The following SLC25A37 variants were observed in gnomAD, a reference collection of about 807,000 sequenced individuals.
SLC25A37 encodes the protein mitoferrin-1.
In SLC25A37, 17 loss-of-function variants were observed where a neutral mutation model predicts 31.0. The observed-to-expected ratio is 0.55, with a 90% CI of 0.38 to 0.82. SLC25A37 has a LOEUF of 0.82. Ranked by LOEUF, SLC25A37 falls within the 40% of genes least tolerant of loss-of-function variation. SLC25A37 has a pLI of 0.00. For missense variants in SLC25A37, 404 were observed against 465.8 expected (o/e 0.87, Z 1.22); for synonymous variants, 222 against 193.0 (o/e 1.15, Z -1.24).
At position 23,571,418 on chromosome 8, in the gene SLC25A37, T is replaced by G. The variant is rs1233467463; in HGVS notation, c.580T>G (p.Leu194Val). The G allele has an allele frequency of 1.9e-6, 3 of 1,613,382 alleles. No individual in the cohort carries two copies. The highest frequency in any genetic ancestry group is 2.5e-6 in the Non-Finnish European group (3 of 1,179,718). ...CCGGACGGTGTGGAGGACCGAGGGG[T>G]TGGGGGCCTTCTACCGGAGCTACAC... is the stretch of plus-strand genomic sequence containing the variant. ...CIRTVWRTEG[L>V]GAFYRSYTTQ... Residue 194 changes from leucine to valine, a missense_variant, in exon 4 of 4, where the codon TTG (leucine) becomes GTG (valine). By Grantham distance (32) the Leu-to-Val change is conservative. This residue lies in a region of SLC25A37 where 243 missense variants were observed against 284.4 expected (regional missense o/e 0.85). Transcript: ENST00000519973.
At chr8:23,558,155 T>C (rs999127576) in intron 1 of SLC25A37, among the ~76,000 whole-genome samples, 11 of 152,130 alleles carry the variant, frequency 7.2e-5, no homozygotes, top group Admixed American at 1.3e-4. Context: ...ACATGGAAAG[T>C]TTTTTATTTT....
intron 3 of SLC25A37, among the ~76,000 whole-genome samples, chr8:23,569,816 A>AGGCCTTCAGCTGGGTC (rs2117463799): frequency 1.3e-5 from 2 of 152,338 alleles, no homozygotes; most frequent in East Asian, 3.9e-4. Context: ...GGCACTGGGC[A>AGGCCTTCAGCTGGGTC]GGCCTTCAGC....
At chr8:23,540,527 G>A (rs919527378) in intron 1 of SLC25A37, among the ~76,000 whole-genome samples, 17 of 152,316 alleles carry the variant, frequency 1.1e-4, no homozygotes, top group Non-Finnish European at 2.5e-4. Context: ...CAGCAAGCAA[G>A]GAAGAAGGAT....
chr8:23,541,206 C>A (rs1439335878), intron 1 of SLC25A37, among the ~76,000 whole-genome samples: 2 of 152,048 alleles, frequency 1.3e-5, no homozygotes, highest in African/African-American at 4.8e-5. Flanking sequence ...CAGAAACCAG[C>A]AGGGTAGGAC....
intron 1 of SLC25A37, among the ~76,000 whole-genome samples, chr8:23,548,150 C>G (rs1802118114): frequency 1.3e-5 from 2 of 152,114 alleles, no homozygotes. Context: ...AAACGGTCTC[C>G]TCTTATATTC....
chr8:23,556,834 G>C (rs1424158254), intron 1 of SLC25A37, among the ~76,000 whole-genome samples: 1 of 151,972 alleles, frequency 6.6e-6, no homozygotes, highest in Non-Finnish European at 1.5e-5. Context: ...GATGCTGAGT[G>C]ATGTCCTCCT....
At chr8:23,546,513 GTATATATATATATAGGTGTATATATA>G (rs869202017) in intron 1 of SLC25A37, among the ~76,000 whole-genome samples, 9 of 67,786 alleles carry the variant, frequency 1.3e-4, no homozygotes, top group East Asian at 1.2e-3. Context: ...ATATATATAG[GTATATATATATATAGGTGTATATATA>G]TATATATATA....
In SLC25A37 at chr8:23,566,142, C is replaced by G; in HGVS notation, c.245C>G (p.Ala82Gly). The G allele has an allele frequency of 6.2e-7, 1 of 1,600,078 alleles. No homozygotes were observed. The highest frequency in any genetic ancestry group is 8.5e-7 in the Non-Finnish European group (1 of 1,175,742). The part of the protein sequence containing the change: ...RMQSLSPDPK[A>G]QYTSIYGALK... Reference sequence around the variant, plus strand: ...CAGAGTTTGAGTCCAGATCCCAAAGCCCAGTACACAAGTATCTACGGAGCC... The same window carrying G: ...CAGAGTTTGAGTCCAGATCCCAAAGGCCAGTACACAAGTATCTACGGAGCC... Residue 82 changes from alanine (A) to glycine (G), a missense_variant, in exon 2 of 4, where the codon GCC (alanine) becomes GGC (glycine). Physicochemically the swap from Ala to Gly is moderately conservative, Grantham distance 60. This residue lies in a region of SLC25A37 where 154 missense variants were observed against 153.6 expected (regional missense o/e 1.00). Transcript: ENST00000519973.
rs1259756736 is a variant in SLC25A37, at chr8:23,574,395, G to C, written c.*2540G>C. 6.5e-6 allele frequency: 1 copy of C among 154,072 alleles called. No homozygotes were observed. Among genetic ancestry groups the C allele is most frequent in the Admixed American group, 6.4e-5 (1 of 15,518 alleles). 9.5% of individuals were successfully genotyped at this position (154,072 alleles called of 1,614,324 possible). A position where few individuals can be genotyped will look rare whatever the true frequency, so the allele number is the denominator to read the frequency against. On this transcript the variant is annotated 3_prime_UTR_variant, in exon 4 of 4. Coordinates refer to ENST00000519973, the MANE Select transcript of SLC25A37 (RefSeq NM_016612.4). ...GCAGGAGAATTGCTTGAACCCAGGAGGTGGAGGTTGCAGTGAGCTGAGATT... is the reference window on the plus strand; with the variant it reads ...GCAGGAGAATTGCTTGAACCCAGGACGTGGAGGTTGCAGTGAGCTGAGATT...
chr8:23,550,637 A>C (rs1197596635), intron 1 of SLC25A37, among the ~76,000 whole-genome samples: 1 of 152,204 alleles, frequency 6.6e-6, no homozygotes, highest in Non-Finnish European at 1.5e-5. Flanking sequence ...ACGCGCAGCT[A>C]GGTGAAATGA....
rs1802951795 is a variant in SLC25A37 at position 23,575,233 on chromosome 8, A to G, written c.*3378A>G. On this transcript the variant is annotated 3_prime_UTR_variant, in exon 4 of 4. Transcript: ENST00000519973. The stretch of plus-strand genomic sequence containing the variant: ...AGGATGATTGTGTCTTTGAATGACA[A>G]ATGTACTGCTGCTTCCTACCTGCAA... 6.6e-6 allele frequency: 1 copy of G among 152,202 alleles called. No homozygotes were observed. Among genetic ancestry groups the G allele is most frequent in the African/African-American group, 2.4e-5 (1 of 41,460 alleles). The allele number at this position is 152,202 out of a possible 1,614,324, so 9.4% of individuals were successfully genotyped here.
In SLC25A37 at chr8:23,574,898, T is replaced by C. The variant is rs1226400596; in HGVS notation, c.*3043T>C. 1.3e-5 allele frequency: 2 copies of C among 152,868 alleles called. No homozygotes were observed. Among genetic ancestry groups the C allele is most frequent in the African/African-American group, 4.8e-5 (2 of 41,330 alleles). 9.5% of individuals were successfully genotyped at this position (152,868 alleles called of 1,614,324 possible). On this transcript the variant is annotated 3_prime_UTR_variant, in exon 4 of 4. Transcript: ENST00000519973. Reference sequence around the variant, plus strand: ...TGAGTACAGCACTCGTACTTTTACATGATGTGTGTGTGAGTAGCTCTTCTG... The same window carrying C: ...TGAGTACAGCACTCGTACTTTTACACGATGTGTGTGTGAGTAGCTCTTCTG...
chr8:23,546,517 A>C (rs1339283456), intron 1 of SLC25A37, among the ~76,000 whole-genome samples: 1 of 73,474 alleles, frequency 1.4e-5, no homozygotes, highest in Non-Finnish European at 2.2e-5. Flanking sequence ...ATATAGGTAT[A>C]TATATATATA....
At chr8:23,564,257 G>A (rs189426022) in intron 1 of SLC25A37, among the ~76,000 whole-genome samples, 2 of 152,096 alleles carry the variant, frequency 1.3e-5, no homozygotes, top group African/African-American at 4.8e-5. Flanking sequence ...CAGGTGATTG[G>A]TTTTCACCGT....
chr8:23,534,460 G>C (rs1473751569), intron 1 of SLC25A37, among the ~76,000 whole-genome samples: 1 of 152,136 alleles, frequency 6.6e-6, no homozygotes, highest in Non-Finnish European at 1.5e-5. Flanking sequence ...TCTCTTTCCT[G>C]ACCCAGCTTT....
intron 3 of SLC25A37, chr8:23,568,948 G>GAAA: frequency 8.3e-6 from 1 of 120,158 alleles, no homozygotes; most frequent in Non-Finnish European, 1.7e-5. Context: ...ATCTCAAAAG[G>GAAA]AAAAAAAAAA....
intron 1 of SLC25A37, among the ~76,000 whole-genome samples, chr8:23,530,972 G>C (rs1235720103): frequency 6.6e-6 from 1 of 152,192 alleles, no homozygotes; most frequent in Non-Finnish European, 1.5e-5. Context: ...TGGTTCAGAT[G>C]TCACCTGTAT....
At chr8:23,547,095 A>T (rs1802089745) in intron 1 of SLC25A37, among the ~76,000 whole-genome samples, 1 of 152,194 alleles carries the variant, frequency 6.6e-6, no homozygotes, top group Non-Finnish European at 1.5e-5. Context: ...AATCAATCAT[A>T]AGGAAGTTTC....
At chr8:23,565,045 C>T (rs1205031090) in intron 1 of SLC25A37, among the ~76,000 whole-genome samples, 1 of 152,164 alleles carries the variant, frequency 6.6e-6, no homozygotes, top group Non-Finnish European at 1.5e-5. Flanking sequence ...TTAGGGAGAG[C>T]TGATGTTACA....
Sources: gnomAD v4.1 joint callset for allele counts (sites outside exome capture counted in the v4.1 genomes callset) on GRCh38, gnomAD v4.1.1 for gene constraint, gnomAD v4.1.1 regional missense constraint, MANE v1.5 for transcripts, NCBI Gene and HGNC (gene_info 2026-07-23, HGNC 2026-07-21) for gene names.